C9: variants seen among roughly 807,000 people sequenced by gnomAD.
C9 encodes the protein complement C9.
C9 carries 63 observed loss-of-function variants against 65.4 expected under a neutral mutation model. That is an observed-to-expected ratio of 0.96 (90% confidence interval 0.79 to 1.19). C9 has a LOEUF of 1.19. C9 is among the 50% of genes most tolerant of loss of function. The pLI, the probability that C9 is intolerant of heterozygous loss-of-function variation, is 0.00. For synonymous variants in C9, 229 were observed against 227.9 expected (o/e 1.00, Z -0.04); for missense variants, 744 against 670.1 (o/e 1.11, Z -1.22).
intron 1 of C9, among the ~76,000 whole-genome samples, chr5:39,363,479 A>T: frequency 6.6e-6 from 1 of 152,214 alleles, no homozygotes; most frequent in East Asian, 1.9e-4. Flanking sequence ...GAGTCAAATG[A>T]CTAATGAGGA....
intron 4 of C9, among the ~76,000 whole-genome samples, chr5:39,335,860 C>T (rs1753954879): frequency 6.6e-6 from 1 of 151,928 alleles, no homozygotes; most frequent in African/African-American, 2.4e-5. Flanking sequence ...TGGGATGGGG[C>T]TAGTGCAGGA....
At chr5:39,352,543 A>G (rs143969810) in intron 1 of C9, among the ~76,000 whole-genome samples, 128 of 152,280 alleles carry the variant, frequency 8.4e-4, no homozygotes, top group Middle Eastern at 3.4e-3. Flanking sequence ...ACCTGGTGCT[A>G]CTTGTCTCAT....
At chr5:39,316,446 C>G (rs1043993594) in intron 5 of C9, among the ~76,000 whole-genome samples, 1 of 152,170 alleles carries the variant, frequency 6.6e-6, no homozygotes, top group African/African-American at 2.4e-5. Context: ...CAGATCAACC[C>G]ATCACCCAGG....
In C9 at chr5:39,343,180, G is replaced by A. The variant is rs554061298; in HGVS notation, c.78-984C>T. On this transcript the variant is annotated intron_variant, in intron 1 of 10. Coordinates refer to ENST00000263408, the MANE Select transcript of C9 (RefSeq NM_001737.5). ...CACTGGGGCTCATCAGACAGTGGGG[G>A]CAGGACAGTGGGTGCAGCCCACTGA... is the stretch of plus-strand genomic sequence containing the variant. Among the ~76,000 whole-genome samples, 8 of 152,272 alleles carry A rather than the reference G, an allele frequency of 5.3e-5. No individual in the cohort carries two copies. The East Asian group carries it at 1.5e-3, about 29-fold the overall frequency.
chr5:39,311,080 C>G (rs1302033502), intron 7 of C9, 57 bp downstream of exon 7: 2 of 1,591,660 alleles, frequency 1.3e-6, no homozygotes, highest in East Asian at 2.2e-5. Context: ...GGTTGGTGAA[C>G]AAAATAATGT....
chr5:39,341,275 C>G lies in C9; in HGVS notation c.347G>C (p.Arg116Pro). The change falls in exon 4 of 11, where the codon CGA becomes CCA. Residue 116 changes from arginine (R) to proline (P), a missense_variant. Arg to Pro is a moderately radical substitution (Grantham distance 103). Transcript: ENST00000263408. ...QCSTGRCIKM[R>P]LRCNGDNDCG... ...GTCATTGTCACCATTACACCGAAGT[C>G]GCATCTTTATGCATCTGCCTGCAAT... 1 of 1,614,140 alleles carries G rather than the reference C, an allele frequency of 6.2e-7. No individual in the cohort carries two copies. Among genetic ancestry groups the G allele is most frequent in the Non-Finnish European group, 8.5e-7 (1 of 1,179,996 alleles).
intron 9 of C9, among the ~76,000 whole-genome samples, chr5:39,303,801 A>G (rs1422235896): frequency 1.3e-5 from 2 of 151,912 alleles, no homozygotes; most frequent in African/African-American, 2.4e-5. Flanking sequence ...CCCGCATCCC[A>G]AAGATAGTCA....
At chr5:39,309,866 A>G (rs982753162) in intron 7 of C9, among the ~76,000 whole-genome samples, 3 of 151,916 alleles carry the variant, frequency 2.0e-5, no homozygotes, top group Non-Finnish European at 4.4e-5. Context: ...CATCAAAACA[A>G]CTCCTAGTCT....
intron 4 of C9, among the ~76,000 whole-genome samples, chr5:39,332,750 C>T (rs896760455): frequency 6.6e-5 from 10 of 152,202 alleles, no homozygotes; most frequent in Non-Finnish European, 1.3e-4. Context: ...AACTGGATTA[C>T]AAATCTGGAT....
At chr5:39,342,006 C>A (rs1252359469) in intron 2 of C9, 85 bp downstream of exon 2, 2 of 849,602 alleles carry the variant, frequency 2.4e-6, no homozygotes, top group African/African-American at 3.3e-5. Flanking sequence ...TGTGGGGCTC[C>A]CTGCCTCATA....
intron 4 of C9, among the ~76,000 whole-genome samples, chr5:39,334,459 A>C (rs1472019045): frequency 7.4e-6 from 1 of 134,686 alleles, no homozygotes; most frequent in Non-Finnish European, 1.6e-5. Flanking sequence ...CGCCTGGCTG[A>C]CACCCCATCT....
chr5:39,363,273 C>A (rs1579888626), intron 1 of C9, among the ~76,000 whole-genome samples: 1 of 152,136 alleles, frequency 6.6e-6, no homozygotes, highest in Non-Finnish European at 1.5e-5. Flanking sequence ...AAGGTCTGGT[C>A]GAGCACTGGA....
rs533503980 is a variant in C9, at chr5:39,297,224, A to G, written c.1417-8273T>C. 1.8e-4 allele frequency among the ~76,000 whole-genome samples: 28 copies of G among 151,672 alleles called. 1 individual carries two copies. The highest frequency in any genetic ancestry group is 1.3e-3 in the Admixed American group (20 of 15,196). ...TGGATACACTAATTACCCTGATCCGATAACTATACATTATCATTATCAAAA... is the reference window on the plus strand; with the variant it reads ...TGGATACACTAATTACCCTGATCCGGTAACTATACATTATCATTATCAAAA... On this transcript the variant is annotated intron_variant, in intron 9 of 10. Coordinates refer to ENST00000263408, the MANE Select transcript of C9 (RefSeq NM_001737.5).
intron 4 of C9, among the ~76,000 whole-genome samples, chr5:39,332,230 G>A (rs899604468): frequency 2.6e-5 from 4 of 152,276 alleles, no homozygotes; most frequent in Non-Finnish European, 4.4e-5. Context: ...ACATGTGCAT[G>A]TAATTTTTCA....
At chr5:39,291,544 C>G (rs1186410819) in intron 9 of C9, among the ~76,000 whole-genome samples, 1 of 151,288 alleles carries the variant, frequency 6.6e-6, no homozygotes, top group Non-Finnish European at 1.5e-5. Flanking sequence ...TATTCCAGAC[C>G]TGGTGAAAAA....
At chr5:39,347,803 T>C (rs1754237494) in intron 1 of C9, among the ~76,000 whole-genome samples, 1 of 152,192 alleles carries the variant, frequency 6.6e-6, no homozygotes, top group Non-Finnish European at 1.5e-5. Context: ...AACAGCATGG[T>C]ACTGGTACCA....
intron 1 of C9, among the ~76,000 whole-genome samples, chr5:39,343,711 T>C (rs528992059): frequency 1.8e-3 from 272 of 152,304 alleles, no homozygotes; most frequent in African/African-American, 6.4e-3. Context: ...GATCTGAGAA[T>C]GGACAGACTG....
At chr5:39,357,837 A>T (rs114198352) in intron 1 of C9, among the ~76,000 whole-genome samples, 231 of 152,312 alleles carry the variant, frequency 1.5e-3, no homozygotes, top group African/African-American at 4.8e-3. Context: ...AAGGCAGAGG[A>T]AGTAACACTG....
rs531157529 is a variant in C9, at chr5:39,335,635, A to T, written c.477-3821T>A. Among the ~76,000 whole-genome samples, 59 of 152,304 alleles carry T rather than the reference A, an allele frequency of 3.9e-4. 1 individual carries two copies. In the Middle Eastern group the frequency reaches 0.014, roughly 35 times the overall value. On this transcript the variant is annotated intron_variant, in intron 4 of 10. Transcript: ENST00000263408. ...ATGTGCGAATACTATGTCATTTTAT[A>T]TCAGGGACTTGAGCATCCTGAAAGT...
Sources: gnomAD v4.1 joint callset for allele counts (sites outside exome capture counted in the v4.1 genomes callset) on GRCh38, gnomAD v4.1.1 for gene constraint, MANE v1.5 for transcripts, NCBI Gene and HGNC (gene_info 2026-07-23, HGNC 2026-07-21) for gene names.